The following SRGAP2 variants were observed in gnomAD, a reference collection of about 807,000 sequenced individuals.
The protein encoded by SRGAP2 is SLIT-ROBO Rho GTPase activating protein 2, also known as SLIT-ROBO Rho GTPase-activating protein 2.
In SRGAP2, 15 loss-of-function variants were observed where a neutral mutation model predicts 57.2. That is an observed-to-expected ratio of 0.26 (90% CI 0.18 to 0.40). SRGAP2 has a LOEUF of 0.40. SRGAP2 is among the 10% of genes least tolerant of loss of function. The probability of loss-of-function intolerance (pLI) is 1.00; values close to 1 mark genes in which losing one functional copy is unlikely to be tolerated. For synonymous variants in SRGAP2, 249 were observed against 248.0 expected (o/e 1.00, Z -0.04); for missense variants, 520 against 669.6 (o/e 0.78, Z 2.47).
chr1:206,412,876 C>T (rs1473491717), intron 10 of SRGAP2, among the ~76,000 whole-genome samples: 1 of 152,148 alleles, frequency 6.6e-6, no homozygotes, highest in Non-Finnish European at 1.5e-5. Context: ...CTCTGAGATG[C>T]CTTTACCTTT....
At chr1:206,260,080 A>T (rs1260095365) in intron 2 of SRGAP2, among the ~76,000 whole-genome samples, 1 of 66,912 alleles carries the variant, frequency 1.5e-5, no homozygotes, top group African/African-American at 5.8e-5. Context: ...TTTTCAGCAT[A>T]CTGTCACACC....
intron 17 of SRGAP2, among the ~76,000 whole-genome samples, chr1:206,440,679 C>G (rs1553371724): frequency 6.6e-6 from 1 of 151,920 alleles, no homozygotes; most frequent in Non-Finnish European, 1.5e-5. Flanking sequence ...TCCTGAGTAG[C>G]TGGGACCCAG....
intron 11 of SRGAP2, among the ~76,000 whole-genome samples, chr1:206,418,623 A>C (rs1553362935): frequency 1.3e-5 from 2 of 152,200 alleles, no homozygotes; most frequent in African/African-American, 4.8e-5. Context: ...TATTTTTTTA[A>C]AACATGAGAA....
At position 206,438,071 on chromosome 1, in the gene SRGAP2, A is replaced by G. The variant is rs1661933638; in HGVS notation, c.1741A>G (p.Ile581Val). 2.6e-6 allele frequency: 2 copies of G among 780,724 alleles called. No individual in the cohort carries two copies. Among genetic ancestry groups the G allele is most frequent in the Non-Finnish European group, 4.8e-6 (2 of 417,954 alleles). The allele number at this position is 780,724 out of a possible 1,614,324, so 48.4% of individuals were successfully genotyped here. A position where few individuals can be genotyped will look rare whatever the true frequency, so the allele number is the denominator to read the frequency against. The change falls in exon 16 of 23, where the codon ATC (isoleucine) becomes GTC (valine). Residue 581 changes from isoleucine (I) to valine (V), a missense_variant. Coordinates refer to ENST00000573034, the MANE Select transcript of SRGAP2 (RefSeq NM_015326.5). ...GLEHPLFPKD[I>V]FHDLMACVTM... is the part of the protein sequence containing the mutation. Reference sequence around the variant, plus strand: ...GGAACACCCTCTCTTCCCCAAGGACATCTTTCATGACCTGATGGCCTGCGT... The same window carrying G: ...GGAACACCCTCTCTTCCCCAAGGACGTCTTTCATGACCTGATGGCCTGCGT...
At chr1:206,339,954 G>T (rs1675057437) in intron 3 of SRGAP2, among the ~76,000 whole-genome samples, 1 of 122,928 alleles carries the variant, frequency 8.1e-6, no homozygotes, top group Non-Finnish European at 1.6e-5. Flanking sequence ...CCACACTGAG[G>T]TAATTTTGCA....
intron 5 of SRGAP2, among the ~76,000 whole-genome samples, chr1:206,387,084 C>G (rs564880232): frequency 1.9e-3 from 282 of 144,694 alleles, no homozygotes; most frequent in Non-Finnish European, 2.7e-3. Flanking sequence ...CAAGATCGTG[C>G]CACTGCACTC....
At chr1:206,207,417 G>T (rs1234926640) in intron 2 of SRGAP2, 1 of 149,546 alleles carries the variant, frequency 6.7e-6, no homozygotes, top group Non-Finnish European at 1.5e-5. Flanking sequence ...TTATTACAGA[G>T]ATGGGGGAGT....
At position 206,461,140 on chromosome 1, in the gene SRGAP2, C is replaced by T. The variant is rs569563902; in HGVS notation, c.2936C>T (p.Pro979Leu). The T allele has an allele frequency of 1.3e-6, 1 of 780,608 alleles. No individual in the cohort carries two copies. Among genetic ancestry groups the T allele is most frequent in the East Asian group, 2.4e-5 (1 of 41,248 alleles). 48.4% of individuals were successfully genotyped at this position (780,608 alleles called of 1,614,324 possible). The change falls in exon 23 of 23, where the codon CCC becomes CTC. Residue 979 changes from proline to leucine, a missense_variant. Physicochemically the swap from Pro to Leu is moderately conservative, Grantham distance 98. This residue lies in a region of SRGAP2 where 478 missense variants were observed against 373.6 expected (regional missense o/e 1.28). Coordinates refer to ENST00000573034, the MANE Select transcript of SRGAP2 (RefSeq NM_015326.5). ...GACGTGGTTCTGGACACCTTGGAGCCCCTCAAAACCTCCCCAGTGGTGGCC... is the reference window on the plus strand; with the variant it reads ...GACGTGGTTCTGGACACCTTGGAGCTCCTCAAAACCTCCCCAGTGGTGGCC... ...TPDVVLDTLE[P>L]LKTSPVVAPT...
intron 10 of SRGAP2, among the ~76,000 whole-genome samples, chr1:206,410,157 C>G (rs1659085415): frequency 6.6e-6 from 1 of 152,206 alleles, no homozygotes; most frequent in Non-Finnish European, 1.5e-5. Context: ...CTCACAAAAG[C>G]TGGACCCACC....
chr1:206,335,980 A>G (rs1285089125), intron 3 of SRGAP2, among the ~76,000 whole-genome samples: 1 of 152,216 alleles, frequency 6.6e-6, no homozygotes, highest in Non-Finnish European at 1.5e-5. Context: ...CCTTGGTCCT[A>G]TAATCATTCA....
intron 18 of SRGAP2, among the ~76,000 whole-genome samples, chr1:206,446,624 A>G (rs1291765425): frequency 1.3e-5 from 2 of 152,236 alleles, no homozygotes; most frequent in African/African-American, 2.4e-5. Context: ...TTATTCATCA[A>G]CAGTGTCTCT....
At chr1:206,453,077 G>A (rs1553376617) in intron 19 of SRGAP2, 123 bp from the exon 20 acceptor site, 1 of 446,394 alleles carries the variant, frequency 2.2e-6, no homozygotes, top group Non-Finnish European at 4.1e-6. Context: ...ATCATCCATG[G>A]CTTCGTTTTC....
chr1:206,451,539 T>C (rs1279988509), intron 19 of SRGAP2, among the ~76,000 whole-genome samples: 1 of 151,686 alleles, frequency 6.6e-6, no homozygotes, highest in Non-Finnish European at 1.5e-5. Context: ...CCTGCCTTGC[T>C]GGGAATTCTG....
intron 3 of SRGAP2, among the ~76,000 whole-genome samples, chr1:206,313,193 A>G (rs1672797867): frequency 1.5e-5 from 2 of 137,122 alleles, no homozygotes; most frequent in Admixed American, 7.5e-5. Context: ...TCTCTCCTCA[A>G]CACATATTTG....
At position 206,204,011 on chromosome 1, in the gene SRGAP2, GCCGGCCT is replaced by G. The variant is rs1553300292; in HGVS notation, c.-543+364_-543+370del. ...TCGTTGGCATCGCGCGTAATCATCG[GCCGGCCT>G]CCTCCAGTGTCTCCCAGCCCTGGCG... On this transcript the variant is annotated intron_variant, in intron 1 of 22. Coordinates refer to ENST00000573034, the MANE Select transcript of SRGAP2 (RefSeq NM_015326.5). 1.2e-5 allele frequency: 12 copies of G among 1,033,842 alleles called. No individual in the cohort carries two copies. The South Asian group carries it at 1.8e-4, about 16-fold the overall frequency. The allele number at this position is 1,033,842 out of a possible 1,614,324, so 64.0% of individuals were successfully genotyped here.
At chr1:206,430,491 G>A (rs1357930614) in intron 14 of SRGAP2, among the ~76,000 whole-genome samples, 1 of 152,206 alleles carries the variant, frequency 6.6e-6, no homozygotes, top group African/African-American at 2.4e-5. Context: ...AATTGCAGCT[G>A]TTATGTAAAT....
intron 3 of SRGAP2, among the ~76,000 whole-genome samples, chr1:206,325,424 A>G (rs1463398868): frequency 6.6e-6 from 1 of 151,252 alleles, no homozygotes; most frequent in Non-Finnish European, 1.5e-5. Flanking sequence ...GCTCACTGCA[A>G]CCTCTGCCTC....
intron 2 of SRGAP2, among the ~76,000 whole-genome samples, chr1:206,220,945 CTTT>C (rs781891456): frequency 2.5e-5 from 3 of 121,378 alleles, no homozygotes; most frequent in African/African-American, 3.4e-5. Context: ...TGTATGTTGT[CTTT>C]TTTTTTTTTT....
At chr1:206,326,085 C>T (rs575878919) in intron 3 of SRGAP2, among the ~76,000 whole-genome samples, 10 of 147,190 alleles carry the variant, frequency 6.8e-5, no homozygotes, top group Non-Finnish European at 1.0e-4. Flanking sequence ...GGAATCTTCT[C>T]GTTACAGGAT....
Sources: gnomAD v4.1 joint callset for allele counts (sites outside exome capture counted in the v4.1 genomes callset) on GRCh38, gnomAD v4.1.1 for gene constraint, gnomAD v4.1.1 regional missense constraint, MANE v1.5 for transcripts, NCBI Gene and HGNC (gene_info 2026-07-23, HGNC 2026-07-21) for gene names.